Variants in RBMS1 observed in about 807,000 individuals in gnomAD.
RBMS1 encodes RNA binding motif single stranded interacting protein 1.
In RBMS1, 17 loss-of-function variants were observed where a neutral mutation model predicts 62.3. That is an observed-to-expected ratio of 0.27 (90% CI 0.19 to 0.41). The LOEUF (loss-of-function observed/expected upper bound fraction) is 0.41. Ranked by LOEUF, RBMS1 falls within the 10% of genes least tolerant of loss-of-function variation. The pLI is 1.00. For missense variants in RBMS1, 334 were observed against 504.5 expected (o/e 0.66, Z 3.24); for synonymous variants, 172 against 170.0 (o/e 1.01, Z -0.09).
In RBMS1 at chr2:160,281,278, T is replaced by A. The variant is rs199700001; in HGVS notation, c.951+36A>T. 95 of 1,542,156 alleles carry A rather than the reference T, an allele frequency of 6.2e-5. No individual in the cohort carries two copies. The African/African-American group carries it at 1.1e-3, about 18-fold the overall frequency. ...TAGAGAGAATATACACATAACTTAC[T>A]TGTAAAACACAAAGTCATTAAGATA... On this transcript the variant is annotated intron_variant, in intron 10 of 13. Coordinates refer to ENST00000348849, the MANE Select transcript of RBMS1 (RefSeq NM_016836.4).
intron 2 of RBMS1, among the ~76,000 whole-genome samples, chr2:160,360,618 G>A (rs1341556659): frequency 6.6e-6 from 1 of 152,134 alleles, no homozygotes; most frequent in Non-Finnish European, 1.5e-5. Flanking sequence ...AGCCCTTTCT[G>A]TGCCTTTTTA....
At chr2:160,442,146 A>G (rs1316611831) in intron 1 of RBMS1, among the ~76,000 whole-genome samples, 4 of 152,212 alleles carry the variant, frequency 2.6e-5, no homozygotes, top group Non-Finnish European at 5.9e-5. Context: ...AGAAATGTTT[A>G]ATTTTGATAA....
At chr2:160,437,704 G>A (rs932837411) in intron 1 of RBMS1, among the ~76,000 whole-genome samples, 15 of 152,212 alleles carry the variant, frequency 9.9e-5, no homozygotes, top group Admixed American at 3.9e-4. Context: ...TAACATAGAT[G>A]TTCAAATTCT....
intron 2 of RBMS1, among the ~76,000 whole-genome samples, chr2:160,333,512 A>G (rs1415738554): frequency 1.3e-5 from 2 of 152,154 alleles, no homozygotes; most frequent in African/African-American, 4.8e-5. Flanking sequence ...TGACCTCCTT[A>G]ACACCCAAGC....
At chr2:160,479,998 A>T (rs887738231) in intron 1 of RBMS1, among the ~76,000 whole-genome samples, 1 of 152,158 alleles carries the variant, frequency 6.6e-6, no homozygotes, top group African/African-American at 2.4e-5. Context: ...TATATATATA[A>T]GATTTTTGAA....
intron 2 of RBMS1, among the ~76,000 whole-genome samples, chr2:160,329,916 T>C (rs1471265057): frequency 6.6e-6 from 1 of 151,970 alleles, no homozygotes; most frequent in African/African-American, 2.4e-5. Flanking sequence ...TTCTAGAAAC[T>C]AAAGGCAGAT....
intron 1 of RBMS1, among the ~76,000 whole-genome samples, chr2:160,455,506 TTTA>T (rs1167755033): frequency 6.6e-6 from 1 of 152,096 alleles, no homozygotes; most frequent in Non-Finnish European, 1.5e-5. Context: ...CACACTTCAG[TTTA>T]TTAACTGTGG....
intron 1 of RBMS1, among the ~76,000 whole-genome samples, chr2:160,413,995 C>G (rs913696157): frequency 3.3e-5 from 5 of 152,184 alleles, no homozygotes; most frequent in Admixed American, 3.3e-4. Context: ...TAGAGAAAAA[C>G]TTACATGGTA....
intron 1 of RBMS1, among the ~76,000 whole-genome samples, chr2:160,456,549 T>C (rs1226893140): frequency 6.6e-6 from 1 of 152,236 alleles, no homozygotes; most frequent in Non-Finnish European, 1.5e-5. Flanking sequence ...ACCTTGAGCA[T>C]AATTTAAAGT....
chr2:160,322,576 C>T (rs1403598393), intron 2 of RBMS1, among the ~76,000 whole-genome samples: 8 of 152,182 alleles, frequency 5.3e-5, no homozygotes, highest in East Asian at 3.8e-4. Context: ...AAACGGATTC[C>T]ACTCTGTCTG....
intron 1 of RBMS1, among the ~76,000 whole-genome samples, chr2:160,375,896 G>GAAAAA (rs34226372): frequency 1.6e-5 from 2 of 126,986 alleles, no homozygotes; most frequent in Admixed American, 7.5e-5. Flanking sequence ...AAAATAAATG[G>GAAAAA]AAAAAAAAAA....
At chr2:160,282,480 T>C in intron 9 of RBMS1, 2 of 400,294 alleles carry the variant, frequency 5.0e-6, no homozygotes, top group South Asian at 2.0e-5. Flanking sequence ...TGCAGGGCCC[T>C]CACTGGATAT....
chr2:160,395,367 G>A (rs1198804653), intron 1 of RBMS1, among the ~76,000 whole-genome samples: 1 of 152,210 alleles, frequency 6.6e-6, no homozygotes, highest in African/African-American at 2.4e-5. Context: ...GCTCACGCCT[G>A]TAATCCCAGC....
chr2:160,376,654 G>C (rs968917662), intron 1 of RBMS1, among the ~76,000 whole-genome samples: 7 of 150,460 alleles, frequency 4.7e-5, no homozygotes. Context: ...ATTTTTTTAA[G>C]AGACAGAGTC....
At chr2:160,379,201 A>T (rs1694156268) in intron 1 of RBMS1, among the ~76,000 whole-genome samples, 2 of 151,670 alleles carry the variant, frequency 1.3e-5, no homozygotes, top group South Asian at 4.2e-4. Context: ...CTTGGGGGGC[A>T]ATAGAGGAAG....
Position 160,285,036 on chromosome 2 carries a change from C to T in RBMS1, c.765G>A (p.Met255Ile), listed in dbSNP as rs1688300999. 1 of 1,612,394 alleles carries T rather than the reference C, an allele frequency of 6.2e-7. No homozygotes were observed. Residue 255 changes from methionine to isoleucine, a missense_variant, in exon 8 of 14, where the codon ATG (methionine) becomes ATA (isoleucine). Physicochemically the swap from Met to Ile is conservative, Grantham distance 10. Coordinates refer to ENST00000348849, the MANE Select transcript of RBMS1 (RefSeq NM_016836.4). ...CTGTAGTTGGGTCGTAAGTAAGTGT[C>T]ATTCCAGCCTATGGGAAAGAGAAAG... is the stretch of plus-strand genomic sequence containing the variant. Reference protein sequence around the residue: ...HREGEVRLAGMTLTYDPTTAA... With the variant: ...HREGEVRLAGITLTYDPTTAA...
intron 1 of RBMS1, among the ~76,000 whole-genome samples, chr2:160,385,842 A>G (rs1014942255): frequency 1.3e-5 from 2 of 152,210 alleles, no homozygotes; most frequent in African/African-American, 4.8e-5. Flanking sequence ...CCACATGACA[A>G]ACCTGCGCTC....
At chr2:160,349,805 G>C (rs1487974284) in intron 2 of RBMS1, among the ~76,000 whole-genome samples, 1 of 138,326 alleles carries the variant, frequency 7.2e-6, no homozygotes, top group East Asian at 2.5e-4. Context: ...ATGGTATTAT[G>C]ACAATAGCAC....
At chr2:160,387,935 T>C (rs1694671282) in intron 1 of RBMS1, among the ~76,000 whole-genome samples, 1 of 152,204 alleles carries the variant, frequency 6.6e-6, no homozygotes, top group African/African-American at 2.4e-5. Context: ...TGGCTCAGCA[T>C]GTCCACAGGC....
Sources: allele counts gnomAD v4.1 joint callset (sites outside exome capture counted in the v4.1 genomes callset), GRCh38; gene constraint gnomAD v4.1.1; transcripts MANE v1.5; gene names NCBI Gene and HGNC (gene_info 2026-07-23, HGNC 2026-07-21).